The following WNK3 variants were observed in gnomAD, a reference collection of about 807,000 sequenced individuals.
WNK3 encodes the protein serine/threonine-protein kinase WNK3.
A neutral mutation model predicts 116.7 loss-of-function variants in WNK3; 18 were observed. The observed-to-expected ratio is 0.15, with a 90% CI of 0.11 to 0.23. WNK3 has a LOEUF of 0.23. Among genes scored for constraint, WNK3 ranks in the 10% least tolerant of loss-of-function variants. WNK3 has a pLI of 1.00. For synonymous variants in WNK3, 404 were observed against 469.4 expected (o/e 0.86, Z 1.80); for missense variants, 993 against 1,323.8 (o/e 0.75, Z 3.88).
At chrX:54,343,105 C>A (rs782633471) in intron 1 of WNK3, among the ~76,000 whole-genome samples, 8 of 110,560 alleles carry the variant, frequency 7.2e-5, no homozygotes, top group Admixed American at 1.9e-4. Context: ...CCTTCATCAC[C>A]CTCCCAAAGT....
At chrX:54,230,553 C>T (rs782226190) in intron 21 of WNK3, among the ~76,000 whole-genome samples, 16 of 112,041 alleles carry the variant, frequency 1.4e-4, no homozygotes, top group African/African-American at 4.5e-4. Context: ...CTGGAAGTCT[C>T]GCACATTGCT....
At chrX:54,217,390 G>A (rs186534723) in intron 22 of WNK3, among the ~76,000 whole-genome samples, 213 of 10,292 alleles carry the variant, frequency 0.021, 1 homozygote, top group African/African-American at 0.071. Context: ...GCACTTTGGG[G>A]CGGGTGGATC....
chrX:54,302,755 ATATT>A (rs1255742182), intron 5 of WNK3, among the ~76,000 whole-genome samples: 5 of 39,819 alleles, frequency 1.3e-4, no homozygotes, highest in African/African-American at 4.3e-4. Flanking sequence ...ATATATATAT[ATATT>A]TTTTTTTTTT....
intron 5 of WNK3, among the ~76,000 whole-genome samples, chrX:54,303,089 G>C (rs2068786346): frequency 9.4e-6 from 1 of 106,603 alleles, no homozygotes; most frequent in Non-Finnish European, 1.9e-5. Context: ...CTATATTTCA[G>C]TCTTCTAGAA....
chrX:54,343,482 A>T (rs2069359683), intron 1 of WNK3: 1 of 110,502 alleles, frequency 9.0e-6, no homozygotes, highest in African/African-American at 3.3e-5. Flanking sequence ...CTCCAGCCTG[A>T]GCAACAGAGC....
chrX:54,309,174 C>T (rs2068858698), exon 4 of WNK3: 3 of 1,210,839 alleles, frequency 2.5e-6, no homozygotes, highest in Non-Finnish European at 2.2e-6. Flanking sequence ...CAGTGGGTCC[C>T]GTGATGAAAA....
chrX:54,262,630 GT>G (rs1325058684), intron 10 of WNK3, among the ~76,000 whole-genome samples: 1 of 110,867 alleles, frequency 9.0e-6, no homozygotes, highest in African/African-American at 3.3e-5. Context: ...ATCTGATGGA[GT>G]CCCTGGAGTC....
At chrX:54,298,138 A>G (rs1475505643) in intron 7 of WNK3, 37 bp downstream of exon 7, 36 of 908,496 alleles carry the variant, frequency 4.0e-5, no homozygotes, top group Non-Finnish European at 5.1e-5. Context: ...CTCTGATACA[A>G]TAAGAGGTGA....
chrX:54,211,740 G>A (rs1045650989), intron 22 of WNK3, among the ~76,000 whole-genome samples: 5 of 109,237 alleles, frequency 4.6e-5, no homozygotes, highest in African/African-American at 1.7e-4. Context: ...CCCGGGAGGC[G>A]GAGGTAGCAG....
chrX:54,301,144 G>A (rs1004882447), intron 6 of WNK3, among the ~76,000 whole-genome samples: 1 of 106,839 alleles, frequency 9.4e-6, no homozygotes, highest in Non-Finnish European at 1.9e-5. Flanking sequence ...TCAGGAGGCT[G>A]AGGCAGGAGA....
chrX:54,259,141 C>A, intron 11 of WNK3, 133 bp downstream of exon 11: 10 of 217,870 alleles, frequency 4.6e-5, no homozygotes, highest in East Asian at 1.7e-4. Context: ...AAAAAACTAT[C>A]GTCTTTATTA....
chrX:54,276,717 C>CTT (rs1365637484), intron 10 of WNK3, among the ~76,000 whole-genome samples: 6 of 98,630 alleles, frequency 6.1e-5, no homozygotes, highest in Admixed American at 1.1e-4. Context: ...GGCAACATTC[C>CTT]TTTTTTTTTT....
intron 17 of WNK3, among the ~76,000 whole-genome samples, chrX:54,240,597 T>C (rs959705541): frequency 1.4e-4 from 16 of 111,824 alleles, no homozygotes; most frequent in African/African-American, 2.9e-4. Context: ...AAAATATACA[T>C]AGACACATGC....
At chrX:54,198,089 G>C (rs1369361657) in exon 24 of WNK3, 2 of 292,369 alleles carry the variant, frequency 6.8e-6, no homozygotes, top group Admixed American at 6.2e-5. Flanking sequence ...TATCAAAGAG[G>C]ATAGAATTTG....
chrX:54,356,670 C>T (rs1432899492), intron 1 of WNK3, among the ~76,000 whole-genome samples: 2 of 111,445 alleles, frequency 1.8e-5, no homozygotes, highest in East Asian at 2.8e-4. Flanking sequence ...AAACAGATAA[C>T]GGTATCTCCA....
intron 10 of WNK3, among the ~76,000 whole-genome samples, chrX:54,292,402 C>A (rs1285254412): frequency 1.8e-5 from 2 of 111,144 alleles, no homozygotes; most frequent in Non-Finnish European, 3.8e-5. Flanking sequence ...CAATATTAGA[C>A]ACATTAAGAG....
rs2068021248 is a variant in WNK3, at chrX:54,241,538, T to C, written c.3652-2439A>G. 1.8e-5 allele frequency among the ~76,000 whole-genome samples: 2 copies of C among 112,270 alleles called. 1 individual carries two copies. The highest frequency in any genetic ancestry group is 7.3e-4 in the South Asian group (2 of 2,730). On this transcript the variant is annotated intron_variant, in intron 17 of 23. Transcript: ENST00000354646. ...AAAGAAAGGAATGAACTACAGTTAC[T>C]AGAAATTAAAACAATGTAATACTTG... is the stretch of plus-strand genomic sequence containing the variant.
chrX:54,263,319 A>T (rs2068276588), intron 10 of WNK3, among the ~76,000 whole-genome samples: 2 of 112,215 alleles, frequency 1.8e-5, no homozygotes, highest in Non-Finnish European at 3.8e-5. Flanking sequence ...TCTCCCCTGA[A>T]GTACTTTTAA....
In WNK3 at chrX:54,258,365, A is replaced by G. The variant is rs1464314091; in HGVS notation, c.2102+909T>C. ...TATTTATTTATTTAGACAGAGTCTC[A>G]CTTTGTCACCCAGGCTGGAATACAG... On this transcript the variant is annotated intron_variant, in intron 11 of 23. Coordinates refer to ENST00000354646, the Ensembl canonical transcript of WNK3. Among the ~76,000 whole-genome samples, 5 of 108,877 alleles carry G rather than the reference A, an allele frequency of 4.6e-5. No individual in the cohort carries two copies. The Admixed American group carries it at 5.0e-4, about 11-fold the overall frequency. 94.5% of individuals were successfully genotyped at this position (108,877 alleles called of 115,157 possible). A position where few individuals can be genotyped will look rare whatever the true frequency, so the allele number is the denominator to read the frequency against.
Sources: allele counts gnomAD v4.1 joint callset (sites outside exome capture counted in the v4.1 genomes callset), GRCh38; gene constraint gnomAD v4.1.1; transcripts MANE v1.5; gene names NCBI Gene and HGNC (gene_info 2026-07-23, HGNC 2026-07-21).